Variants in LZTFL1 observed in about 807,000 individuals in gnomAD.
The protein encoded by LZTFL1 is leucine zipper transcription factor like 1.
LZTFL1 carries 25 observed loss-of-function variants against 45.9 expected under a neutral mutation model. The ratio of observed to expected loss-of-function variants is 0.54; its 90% confidence interval spans 0.40 to 0.76. The LOEUF (loss-of-function observed/expected upper bound fraction) is 0.76. Among genes scored for constraint, LZTFL1 ranks in the 30% least tolerant of loss-of-function variants. The pLI is 0.00. For missense variants in LZTFL1, 277 were observed against 331.1 expected, an observed-to-expected ratio of 0.84 and a Z score of 1.27; for synonymous variants, 93 against 117.4, an observed-to-expected ratio of 0.79 and a Z score of 1.35.
At chr3:45,907,008 C>T (rs1229371965) in intron 2 of LZTFL1, among the ~76,000 whole-genome samples, 1 of 152,210 alleles carries the variant, frequency 6.6e-6, no homozygotes, top group Non-Finnish European at 1.5e-5. Context: ...CTGCTGTCCC[C>T]ACGTGGCCCC....
chr3:45,896,546 G>C (rs1232981495), intron 2 of LZTFL1, among the ~76,000 whole-genome samples: 1 of 152,220 alleles, frequency 6.6e-6, no homozygotes, highest in East Asian at 1.9e-4. Context: ...AGGAGACCGA[G>C]ACTGGGGAAG....
At chr3:45,874,338 T>A (rs1396795905) in intron 2 of LZTFL1, among the ~76,000 whole-genome samples, 2 of 152,182 alleles carry the variant, frequency 1.3e-5, no homozygotes, top group African/African-American at 2.4e-5. Context: ...ACTATGTTGC[T>A]CTCCCGTGTA....
At chr3:45,903,534 G>T (rs72890688) in intron 2 of LZTFL1, among the ~76,000 whole-genome samples, 1 of 152,190 alleles carries the variant, frequency 6.6e-6, no homozygotes, top group Non-Finnish European at 1.5e-5. Context: ...CTTGTGGATC[G>T]CTGTGGTTTC....
chr3:45,831,202 T>C lies in LZTFL1; in HGVS notation c.457-64A>G, dbSNP rs957186831. ...ATATTTTAATATTTGAAATTATTAC[T>C]TGTTTCACTTAAAAATCTAATTTTT... On this transcript the variant is annotated intron_variant, in intron 5 of 9. Transcript: ENST00000296135. 11 of 875,190 alleles carry C rather than the reference T, an allele frequency of 1.3e-5. No individual in the cohort carries two copies. The Admixed American group carries it at 3.3e-4, about 27-fold the overall frequency. 54.2% of individuals were successfully genotyped at this position (875,190 alleles called of 1,614,324 possible). A position where few individuals can be genotyped will look rare whatever the true frequency, so the allele number is the denominator to read the frequency against.
At chr3:45,827,163 T>C (rs1307215170) in intron 9 of LZTFL1, 193 bp downstream of exon 9, 2 of 559,168 alleles carry the variant, frequency 3.6e-6, no homozygotes, top group Non-Finnish European at 6.3e-6. Context: ...TAGATGAACC[T>C]AAAAAGAAGC....
intron 2 of LZTFL1, among the ~76,000 whole-genome samples, chr3:45,861,051 C>A (rs1701480359): frequency 6.6e-6 from 1 of 151,966 alleles, no homozygotes; most frequent in African/African-American, 2.4e-5. Flanking sequence ...CTATTCAGCA[C>A]AGGGTCGAAG....
At chr3:45,867,817 C>T (rs1281030013) in intron 2 of LZTFL1, among the ~76,000 whole-genome samples, 1 of 152,064 alleles carries the variant, frequency 6.6e-6, no homozygotes, top group Non-Finnish European at 1.5e-5. Flanking sequence ...GCACTCTAGC[C>T]TGGGTGACAG....
At chr3:45,832,959 C>A (rs985842985) in intron 5 of LZTFL1, 91 bp downstream of exon 5, 1 of 945,910 alleles carries the variant, frequency 1.1e-6, no homozygotes, top group South Asian at 1.4e-5. Flanking sequence ...CCTCAGAGGA[C>A]CTGAAACAAA....
chr3:45,908,374 T>G (rs142952140), intron 2 of LZTFL1, among the ~76,000 whole-genome samples: 1 of 152,352 alleles, frequency 6.6e-6, no homozygotes, highest in Non-Finnish European at 1.5e-5. Flanking sequence ...CAACATTTAT[T>G]GAGCATTTAG....
At chr3:45,846,122 GTGTT>G (rs1183433012), upstream of LZTFL1, among the ~76,000 whole-genome samples, 6 of 152,180 alleles carry the variant, frequency 3.9e-5, no homozygotes, top group Non-Finnish European at 8.8e-5. Context: ...TCCAGATACT[GTGTT>G]TGTGGGTTGC....
In LZTFL1 at chr3:45,898,528, G is replaced by A. The variant is rs867142044; in HGVS notation, c.-215+14592C>T. Reference sequence around the variant, plus strand: ...CCATTTCCAGCTGCCCTGGCCTGAAGAGCCGCCTCCAGGATCCTGCTCCTG... The same window carrying A: ...CCATTTCCAGCTGCCCTGGCCTGAAAAGCCGCCTCCAGGATCCTGCTCCTG... On this transcript the variant is annotated intron_variant, in intron 2 of 4. Transcript: ENST00000472635. Among the ~76,000 whole-genome samples the A allele has an allele frequency of 2.7e-4, 41 of 152,314 alleles. No individual in the cohort carries two copies. In the Middle Eastern group the frequency reaches 0.02, roughly 76 times the overall value.
At chr3:45,887,222 G>T (rs1201074763) in intron 2 of LZTFL1, among the ~76,000 whole-genome samples, 1 of 151,094 alleles carries the variant, frequency 6.6e-6, no homozygotes, top group Admixed American at 6.7e-5. Context: ...TGTGTAGTCT[G>T]ATTTCCTTTC....
chr3:45,859,393 T>TTTG (rs1174009050), intron 2 of LZTFL1, among the ~76,000 whole-genome samples: 11 of 152,176 alleles, frequency 7.2e-5, no homozygotes, highest in East Asian at 1.9e-4. Flanking sequence ...GCCTGACTAT[T>TTTG]TTGTTGTTGT....
rs1003619727 is a variant in LZTFL1, at chr3:45,842,109, T to G, written c.-118A>C. Reference sequence around the variant, plus strand: ...AAATGGGGAAGGAGGGTAGGTTGTTTAGAAGCCTCTGGTTGCTAACGGAAA... The same window carrying G: ...AAATGGGGAAGGAGGGTAGGTTGTTGAGAAGCCTCTGGTTGCTAACGGAAA... On this transcript the variant is annotated 5_prime_UTR_variant, in exon 1 of 10. Coordinates refer to ENST00000296135, the MANE Select transcript of LZTFL1 (RefSeq NM_020347.4). The G allele has an allele frequency of 4.5e-6, 7 of 1,546,190 alleles. No individual in the cohort carries two copies. The African/African-American group carries it at 9.6e-5, about 21-fold the overall frequency.
intron 2 of LZTFL1, among the ~76,000 whole-genome samples, chr3:45,898,065 A>G (rs962061245): frequency 6.6e-6 from 1 of 151,816 alleles, no homozygotes; most frequent in African/African-American, 2.4e-5. Flanking sequence ...GCACTTATTC[A>G]TTGTGTGGAT....
upstream of LZTFL1, among the ~76,000 whole-genome samples, chr3:45,842,319 G>T (rs1039326498): frequency 4.6e-5 from 7 of 152,270 alleles, no homozygotes; most frequent in Admixed American, 1.3e-4. Context: ...GGGTTGGGCT[G>T]CCTGGAGTTG....
chr3:45,871,303 C>A (rs896130435), intron 2 of LZTFL1, among the ~76,000 whole-genome samples: 1 of 152,152 alleles, frequency 6.6e-6, no homozygotes, highest in Middle Eastern at 3.2e-3. Flanking sequence ...TGTGGCTGAA[C>A]CCATTTTTGC....
intron 2 of LZTFL1, among the ~76,000 whole-genome samples, chr3:45,893,557 T>C (rs1702258016): frequency 6.6e-6 from 1 of 152,258 alleles, no homozygotes; most frequent in Non-Finnish European, 1.5e-5. Context: ...AGTGAAATCA[T>C]ACAGTATGAA....
intron 2 of LZTFL1, among the ~76,000 whole-genome samples, chr3:45,911,452 C>T (rs1184586313): frequency 1.3e-5 from 2 of 152,236 alleles, no homozygotes; most frequent in Non-Finnish European, 2.9e-5. Flanking sequence ...AGTGACTTGT[C>T]CCAAGCCAGA....
Sources: gnomAD v4.1 joint callset for allele counts (sites outside exome capture counted in the v4.1 genomes callset) on GRCh38, gnomAD v4.1.1 for gene constraint, MANE v1.5 for transcripts, NCBI Gene and HGNC (gene_info 2026-07-23, HGNC 2026-07-21) for gene names.